The following USH2A variants were observed in gnomAD, a reference collection of about 807,000 sequenced individuals.
USH2A encodes usherin.
In USH2A, 443 loss-of-function variants were observed where a neutral mutation model predicts 538.9. That is an observed-to-expected ratio of 0.82 (90% CI 0.76 to 0.89). The LOEUF is 0.89. Among genes scored for constraint, USH2A ranks in the 40% least tolerant of loss-of-function variants. USH2A has a pLI of 0.00. For synonymous variants in USH2A, 2,413 were observed against 2,273.5 expected, an observed-to-expected ratio of 1.06 and a Z score of -1.75; for missense variants, 6,633 against 6,324.8, an observed-to-expected ratio of 1.05 and a Z score of -1.65.
intron 35 of USH2A, among the ~76,000 whole-genome samples, chr1:215,982,855 C>T (rs1197302603): frequency 1.3e-5 from 2 of 152,170 alleles, no homozygotes; most frequent in African/African-American, 4.8e-5. Context: ...AGAAGGAAAA[C>T]ATGGGATAGA....
chr1:215,674,463 C>T lies in USH2A; in HGVS notation c.13448G>A (p.Gly4483Glu), dbSNP rs909121671. Reference sequence around the variant, plus strand: ...TTCCAAGCCTGTATATACAATGGTTCCATCCCTCCTAAGTTCATAACTTCT... The same window carrying T: ...TTCCAAGCCTGTATATACAATGGTTTCATCCCTCCTAAGTTCATAACTTCT... ...QIRSYELRRD[G>E]TIVYTGLETR... is the part of the protein sequence containing the mutation. Residue 4483 changes from glycine (G) to glutamate (E), a missense_variant, in exon 63 of 72, where the codon GGA becomes GAA. Gly to Glu is a moderately conservative substitution (Grantham distance 98). Transcript: ENST00000307340. The T allele has an allele frequency of 7.4e-6, 12 of 1,614,132 alleles. 1 individual carries two copies. The highest frequency in any genetic ancestry group is 2.2e-5 in the South Asian group (2 of 91,068).
chr1:215,789,516 A>G (rs1170818293), intron 51 of USH2A, among the ~76,000 whole-genome samples: 2 of 152,184 alleles, frequency 1.3e-5, no homozygotes, highest in Admixed American at 6.5e-5. Context: ...CTGTGTACAA[A>G]CCATCACCAT....
At chr1:216,181,647 A>G (rs2034496197) in intron 20 of USH2A, among the ~76,000 whole-genome samples, 2 of 152,104 alleles carry the variant, frequency 1.3e-5, no homozygotes, top group Non-Finnish European at 2.9e-5. Flanking sequence ...TATAGCAGCA[A>G]TGATGACAGC....
chr1:216,407,992 G>A (rs1396948240), intron 3 of USH2A, among the ~76,000 whole-genome samples: 1 of 151,032 alleles, frequency 6.6e-6, no homozygotes, highest in Non-Finnish European at 1.5e-5. Flanking sequence ...AATTTTAGTA[G>A]TATATGTGAT....
At chr1:215,936,195 C>A (rs1233818376) in intron 37 of USH2A, among the ~76,000 whole-genome samples, 1 of 151,936 alleles carries the variant, frequency 6.6e-6, no homozygotes. Flanking sequence ...AAGAGAAGAA[C>A]AAGCATACTG....
chr1:215,785,794 G>C (rs1661781436), intron 52 of USH2A, among the ~76,000 whole-genome samples: 2 of 152,000 alleles, frequency 1.3e-5, no homozygotes, highest in Admixed American at 6.6e-5. Flanking sequence ...CTTGAGGTTA[G>C]CCATTATTGC....
intron 49 of USH2A, among the ~76,000 whole-genome samples, chr1:215,809,846 A>G (rs891769428): frequency 3.0e-4 from 45 of 152,182 alleles, no homozygotes; most frequent in Non-Finnish European, 5.6e-4. Flanking sequence ...GCCTATACCC[A>G]TCTTGGCCTT....
chr1:216,165,413 G>T (rs1217116620), intron 21 of USH2A, among the ~76,000 whole-genome samples: 4 of 152,078 alleles, frequency 2.6e-5, no homozygotes, highest in Admixed American at 1.3e-4. Context: ...TATAACAACT[G>T]GTGTACAAGT....
rs115096276 is a variant in USH2A at position 215,816,797 on chromosome 1, A to T, written c.9570+200T>A. 5.3e-3 allele frequency among the ~76,000 whole-genome samples: 811 copies of T among 152,206 alleles called. 6 individuals carry two copies. Among genetic ancestry groups the T allele is most frequent in the African/African-American group, 0.018 (750 of 41,550 alleles). ...TCTAATAAGTTTATATTTCTTGTGA[A>T]GATAATAAAAAATGGGAAGGCTAAA... On this transcript the variant is annotated intron_variant, in intron 48 of 71. Transcript: ENST00000307340.
At chr1:215,975,392 C>A (rs1486778396) in intron 35 of USH2A, among the ~76,000 whole-genome samples, 2 of 151,998 alleles carry the variant, frequency 1.3e-5, no homozygotes, top group Admixed American at 6.6e-5. Context: ...TAAGTTCTTT[C>A]CCAAGGACAA....
In USH2A at chr1:215,782,878, T is replaced by C. The variant is rs750603504; in HGVS notation, c.10445A>G (p.Tyr3482Cys). 6.2e-7 allele frequency: 1 copy of C among 1,613,878 alleles called. No homozygotes were observed. Among genetic ancestry groups the C allele is most frequent in the Non-Finnish European group, 8.5e-7 (1 of 1,179,884 alleles). Residue 3482 changes from tyrosine (Y) to cysteine (C), a missense_variant, in exon 53 of 72, where the codon TAT becomes TGT. Coordinates refer to ENST00000307340, the MANE Select transcript of USH2A (RefSeq NM_206933.4). ...CACAGCTTTGCTGAGTCCTCGCCCA[T>C]AGCTGTTCCAGGCAGAAATCCTGTA... ...YEYRISAWNS[Y>C]GRGLSKAVRA...
chr1:216,021,621 A>C (rs1668846949), intron 32 of USH2A, among the ~76,000 whole-genome samples: 1 of 152,178 alleles, frequency 6.6e-6, no homozygotes. Context: ...GCCTGCTAAC[A>C]TGCCCTGCAG....
intron 21 of USH2A, among the ~76,000 whole-genome samples, chr1:216,133,566 C>T (rs986476553): frequency 1.3e-5 from 2 of 152,092 alleles, no homozygotes; most frequent in Non-Finnish European, 2.9e-5. Context: ...CTGCTGATCA[C>T]TTCCCTCAGC....
intron 21 of USH2A, 143 bp from the exon 22 acceptor site, chr1:216,097,356 G>A: frequency 2.1e-6 from 3 of 1,440,736 alleles, no homozygotes; most frequent in Middle Eastern, 2.0e-4. Context: ...GCATGGTCTA[G>A]GCCATTTGGT....
chr1:216,179,890 G>A (rs1456977055), intron 20 of USH2A, among the ~76,000 whole-genome samples: 3 of 152,034 alleles, frequency 2.0e-5, no homozygotes, highest in Admixed American at 6.6e-5. Context: ...AGACAACACT[G>A]AATAATGAAA....
intron 4 of USH2A, among the ~76,000 whole-genome samples, chr1:216,350,512 G>A (rs530823121): frequency 2.3e-4 from 35 of 152,152 alleles, no homozygotes; most frequent in Middle Eastern, 3.4e-3. Context: ...CATTCCAAAC[G>A]GGATAAATCA....
intron 32 of USH2A, among the ~76,000 whole-genome samples, chr1:216,039,656 G>T (rs1467168078): frequency 6.6e-6 from 1 of 151,996 alleles, no homozygotes; most frequent in Non-Finnish European, 1.5e-5. Flanking sequence ...TAAGAAAAGA[G>T]CTTCTGTAAG....
chr1:215,678,605 T>C (rs1658113827), intron 62 of USH2A, among the ~76,000 whole-genome samples: 1 of 152,214 alleles, frequency 6.6e-6, no homozygotes. Flanking sequence ...TAATTTTCTT[T>C]ATAGCATTCA....
chr1:215,981,546 G>T (rs1667752963), intron 35 of USH2A, among the ~76,000 whole-genome samples: 1 of 151,960 alleles, frequency 6.6e-6, no homozygotes, highest in Non-Finnish European at 1.5e-5. Flanking sequence ...GTTTGACTTT[G>T]TTTTAGAGGA....
Sources: allele counts gnomAD v4.1 joint callset (sites outside exome capture counted in the v4.1 genomes callset), GRCh38; gene constraint gnomAD v4.1.1; transcripts MANE v1.5; gene names NCBI Gene and HGNC (gene_info 2026-07-23, HGNC 2026-07-21).